Variants in TCP11 observed in about 807,000 individuals in gnomAD.
The protein encoded by TCP11 is t-complex 11, also known as T-complex protein 11 homolog.
A neutral mutation model predicts 45.0 loss-of-function variants in TCP11; 34 were observed. The observed-to-expected ratio is 0.76, with a 90% confidence interval of 0.57 to 1.01. The LOEUF (loss-of-function observed/expected upper bound fraction) is 1.01, where lower values mean the gene tolerates loss of function less well. Ranked by LOEUF, TCP11 falls within the 50% of genes least tolerant of loss-of-function variation. The pLI is 0.00. For missense variants in TCP11, 523 were observed against 598.1 expected (o/e 0.87, Z 1.31); for synonymous variants, 227 against 227.0 (o/e 1.00, Z 0.00).
chr6:35,139,995 C>G lies in TCP11; in HGVS notation c.124+752G>C, dbSNP rs571885556. On this transcript the variant is annotated intron_variant, in intron 2 of 9. Transcript: ENST00000311875. ...ACCTCAAAAACTTAAATTGTGTGTACAAAAAAACGGATTTTTCATCCTACC... is the reference window on the plus strand; with the variant it reads ...ACCTCAAAAACTTAAATTGTGTGTAGAAAAAAACGGATTTTTCATCCTACC... 4 of 1,612,842 alleles carry G rather than the reference C, an allele frequency of 2.5e-6. No individual in the cohort carries two copies. The East Asian group carries it at 6.7e-5, about 27-fold the overall frequency.
chr6:35,131,598 T>A (rs1222872022), intron 3 of TCP11, among the ~76,000 whole-genome samples: 2 of 149,398 alleles, frequency 1.3e-5, no homozygotes, highest in South Asian at 2.1e-4. Flanking sequence ...AAAAACACAA[T>A]GAAAAAGAAA....
chr6:35,140,852 T>G lies in TCP11; in HGVS notation c.19A>C (p.Ser7Arg), dbSNP rs1162775199. The change falls in exon 2 of 10, where the codon AGT becomes CGT. Residue 7 changes from serine to arginine, a missense_variant. Transcript: ENST00000311875. The stretch of plus-strand genomic sequence containing the variant: ...TCGCCAGGATATTTCGGGGGCACAC[T>G]CTCCTTGACGTCTGGCATTTTGCTG... MPDVKE[S>R]VPPKYPGDSE... 7 of 1,572,926 alleles carry G rather than the reference T, an allele frequency of 4.5e-6. No individual in the cohort carries two copies. The highest frequency in any genetic ancestry group is 5.2e-6 in the Non-Finnish European group (6 of 1,163,042).
intron 4 of TCP11, chr6:35,128,246 C>T (rs1204031385): frequency 6.6e-6 from 1 of 152,180 alleles, no homozygotes; most frequent in African/African-American, 2.4e-5. Context: ...GAATTCATTT[C>T]CTCACAACTG....
chr6:35,125,098 T>C (rs1779673930), intron 4 of TCP11, among the ~76,000 whole-genome samples: 2 of 145,860 alleles, frequency 1.4e-5, no homozygotes, highest in South Asian at 4.2e-4. Flanking sequence ...GGTGGGAGAA[T>C]AGCTTGAACC....
intron 3 of TCP11, among the ~76,000 whole-genome samples, chr6:35,132,500 C>T (rs1307571143): frequency 6.6e-6 from 1 of 152,214 alleles, no homozygotes; most frequent in Non-Finnish European, 1.5e-5. Context: ...ATATCTCTAT[C>T]CTTAGCACCC....
chr6:35,118,911 T>G (rs567052130), intron 9 of TCP11, among the ~76,000 whole-genome samples: 11 of 152,098 alleles, frequency 7.2e-5, no homozygotes, highest in Non-Finnish European at 7.3e-5. Context: ...CAGCATTAGT[T>G]TCTTGTTGGG....
At position 35,136,176 on chromosome 6, in the gene TCP11, G is replaced by A. The variant is rs774597120; in HGVS notation, c.167C>T (p.Ser56Phe). Residue 56 changes from serine (S) to phenylalanine (F), a missense_variant, in exon 3 of 10, where the codon TCC becomes TTC. By Grantham distance (155) the Ser-to-Phe change is radical. This residue lies in a region of TCP11 where 225 missense variants were observed against 210.2 expected (regional missense o/e 1.07). Transcript: ENST00000311875. ...CATCCCAATCTTGTTGCTCAGCTTGGAAACTTCATTAACGGTTTCTGTCAG... is the reference window on the plus strand; with the variant it reads ...CATCCCAATCTTGTTGCTCAGCTTGAAAACTTCATTAACGGTTTCTGTCAG... ...TGLTETVNEVSKLSNKIGMNC... is the reference protein window; with the variant it reads ...TGLTETVNEVFKLSNKIGMNC... 1.1e-5 allele frequency: 17 copies of A among 1,613,490 alleles called. No individual in the cohort carries two copies. The South Asian group carries it at 1.9e-4, about 18-fold the overall frequency.
chr6:35,120,817 T>C lies in TCP11; in HGVS notation c.715+92A>G, dbSNP rs535207977. 1 of 1,487,454 alleles carries C rather than the reference T, an allele frequency of 6.7e-7. No individual in the cohort carries two copies. Among genetic ancestry groups the C allele is most frequent in the Admixed American group, 2.2e-5 (1 of 45,860 alleles). The allele number at this position is 1,487,454 out of a possible 1,614,324, so 92.1% of individuals were successfully genotyped here. A position where few individuals can be genotyped will look rare whatever the true frequency, so the allele number is the denominator to read the frequency against. On this transcript the variant is annotated intron_variant, in intron 6 of 9. Coordinates refer to ENST00000311875, the MANE Select transcript of TCP11 (RefSeq NM_001370687.1). The surrounding 1 kb of genome is among the most constrained non-coding windows in gnomAD (Gnocchi z 4.9). ...CCTTCACCTAATAAGCAACTTTCTA[T>C]TCCTAAAAAGAGATAGAGTACTCTC...
chr6:35,127,997 C>T (rs567789036), intron 4 of TCP11, among the ~76,000 whole-genome samples: 3 of 152,266 alleles, frequency 2.0e-5, no homozygotes, highest in East Asian at 1.9e-4. Flanking sequence ...TAAGCTTCAC[C>T]GGCAGAAAGT....
chr6:35,140,350 G>A (rs1379728314), intron 2 of TCP11: 1 of 668,528 alleles, frequency 1.5e-6, no homozygotes, highest in African/African-American at 1.8e-5. Flanking sequence ...GCTAGAGACT[G>A]GGCCCAGGAC....
chr6:35,119,417 G>C (rs969857152), intron 8 of TCP11, 26 bp from the exon 9 acceptor site: 1 of 1,610,364 alleles, frequency 6.2e-7, no homozygotes, highest in East Asian at 2.2e-5. Flanking sequence ...AAGTAAGCTG[G>C]CACCCACCAG....
At chr6:35,121,080 A>G (rs1398282531) in intron 5 of TCP11, 35 bp from the exon 6 acceptor site, 3 of 1,567,104 alleles carry the variant, frequency 1.9e-6, no homozygotes, top group Non-Finnish European at 2.6e-6. Context: ...TTATACTACT[A>G]AGCTAGAAAC....
chr6:35,131,815 T>A (rs1169917263), intron 3 of TCP11, among the ~76,000 whole-genome samples: 1 of 152,194 alleles, frequency 6.6e-6, no homozygotes, highest in Non-Finnish European at 1.5e-5. Context: ...TTGGCCAGGC[T>A]GGTCTCCAAC....
At position 35,141,262 on chromosome 6, in the gene TCP11, TGGCGGC is replaced by T; in HGVS notation, c.-78_-73del. 5.3e-6 allele frequency: 1 copy of T among 188,054 alleles called. No homozygotes were observed. Among genetic ancestry groups the T allele is most frequent in the Non-Finnish European group, 9.6e-6 (1 of 104,434 alleles). 11.6% of individuals were successfully genotyped at this position (188,054 alleles called of 1,614,324 possible). ...CGTCCGCTCGGTGGGCCTCGCGGCC[TGGCGGC>T]CTGGAGCGTACCACCGCGGCGGAGC... On this transcript the variant is annotated 5_prime_UTR_variant, in exon 1 of 10. Coordinates refer to ENST00000311875, the MANE Select transcript of TCP11 (RefSeq NM_001370687.1).
At chr6:35,137,671 T>C (rs1781241240) in intron 2 of TCP11, 1 of 380,924 alleles carries the variant, frequency 2.6e-6, no homozygotes, top group Non-Finnish European at 5.2e-6. Flanking sequence ...TCACACATAA[T>C]AGGTATATAT....
At chr6:35,138,006 T>C (rs912584090) in intron 2 of TCP11, among the ~76,000 whole-genome samples, 2 of 152,234 alleles carry the variant, frequency 1.3e-5, no homozygotes, top group African/African-American at 4.8e-5. Flanking sequence ...CTTAGATACA[T>C]GATGAAATAT....
At chr6:35,136,075 G>A (rs1280888262) in intron 3 of TCP11, 32 bp downstream of exon 3, 22 of 1,571,046 alleles carry the variant, frequency 1.4e-5, no homozygotes, top group Non-Finnish European at 1.9e-5. Context: ...AAGCCAGGAT[G>A]AGCAACATGA....
chr6:35,121,111 T>C, intron 5 of TCP11, 66 bp from the exon 6 acceptor site: 2 of 1,493,970 alleles, frequency 1.3e-6, no homozygotes, highest in South Asian at 2.9e-5. Context: ...AGTCATTAAA[T>C]CACTGTATTT....
chr6:35,121,904 G>A (rs986847616), intron 5 of TCP11, among the ~76,000 whole-genome samples: 4 of 149,076 alleles, frequency 2.7e-5, no homozygotes, highest in Admixed American at 6.6e-5. Flanking sequence ...TATTACAGAG[G>A]GGGGGCCCAA....
Sources: allele counts gnomAD v4.1 joint callset (sites outside exome capture counted in the v4.1 genomes callset), GRCh38; gene constraint gnomAD v4.1.1; regional missense constraint gnomAD v4.1.1; non-coding constraint Gnocchi (gnomAD v3.1); transcripts MANE v1.5; gene names NCBI Gene and HGNC (gene_info 2026-07-23, HGNC 2026-07-21).